Variants in RANBP2 observed in about 807,000 individuals in gnomAD.
RANBP2 encodes RAN binding protein 2, also known as E3 SUMO-protein ligase RanBP2.
A neutral mutation model predicts 303.6 loss-of-function variants in RANBP2; 57 were observed. The observed-to-expected ratio is 0.19, with a 90% CI of 0.15 to 0.23. RANBP2 has a LOEUF of 0.23. Ranked by LOEUF, RANBP2 falls within the 10% of genes least tolerant of loss-of-function variation. RANBP2 has a pLI of 1.00. For missense variants in RANBP2, 3,138 were observed against 3,780.8 expected (o/e 0.83, Z 4.46); for synonymous variants, 1,167 against 1,301.5 (o/e 0.90, Z 2.23).
the RANBP2 span, among the ~76,000 whole-genome samples, chr2:109,561,314 C>T: frequency 1.4e-3 from 220 of 152,156 alleles, no homozygotes; most frequent in African/African-American, 4.7e-3. Flanking sequence ...AAAGTCTTCC[C>T]GAATTTTCCA....
At chr2:109,627,657 G>A in the RANBP2 span, among the ~76,000 whole-genome samples, 2 of 152,200 alleles carry the variant, frequency 1.3e-5, no homozygotes, top group East Asian at 1.9e-4. Flanking sequence ...GTGTCCCTGC[G>A]AGGCATGATC....
chr2:109,371,943 C>A, the RANBP2 span, among the ~76,000 whole-genome samples: 4 of 152,190 alleles, frequency 2.6e-5, no homozygotes, highest in African/African-American at 9.6e-5. Context: ...GCAGCAGGGC[C>A]CCCTTGTGCA....
chr2:109,279,555 A>G, the RANBP2 span, among the ~76,000 whole-genome samples: 9 of 152,176 alleles, frequency 5.9e-5, no homozygotes, highest in Admixed American at 4.6e-4. Flanking sequence ...CAGGGCTGGA[A>G]TGAGGAGCAC....
chr2:109,567,431 C>A, the RANBP2 span, among the ~76,000 whole-genome samples: 5 of 152,112 alleles, frequency 3.3e-5, no homozygotes, highest in Non-Finnish European at 5.9e-5. Context: ...TTTTAAGAGA[C>A]CTCCTTAAAG....
chr2:109,509,232 G>A, the RANBP2 span, among the ~76,000 whole-genome samples: 1 of 152,206 alleles, frequency 6.6e-6, no homozygotes, highest in African/African-American at 2.4e-5. Context: ...CCTTCCTGGA[G>A]GTCTGCCTGG....
chr2:109,163,826 A>C, the RANBP2 span, among the ~76,000 whole-genome samples: 1 of 152,128 alleles, frequency 6.6e-6, no homozygotes, highest in African/African-American at 2.4e-5. Flanking sequence ...CCCTCCAAAC[A>C]ATGTGTTTTC....
In RANBP2 at chr2:108,772,539, G is replaced by C. The variant is rs777053427; in HGVS notation, c.8071G>C (p.Asp2691His). 3 of 1,613,810 alleles carry C rather than the reference G, an allele frequency of 1.9e-6. No individual in the cohort carries two copies. The highest frequency in any genetic ancestry group is 1.7e-6 in the Non-Finnish European group (2 of 1,179,848). ...VKKLNGKLYL[D>H]GSEKCRPLEE... Reference sequence around the variant, plus strand: ...GAAACTTAATGGAAAACTATATTTGGATGGCTCAGAAAAATGTAGACCCTT... The same window carrying C: ...GAAACTTAATGGAAAACTATATTTGCATGGCTCAGAAAAATGTAGACCCTT... Residue 2691 changes from aspartate (D) to histidine (H), a missense_variant, in exon 22 of 29, where the codon GAT becomes CAT. Coordinates refer to ENST00000283195, the MANE Select transcript of RANBP2 (RefSeq NM_006267.5).
the RANBP2 span, among the ~76,000 whole-genome samples, chr2:108,826,735 A>T: frequency 6.6e-6 from 1 of 152,110 alleles, no homozygotes. Flanking sequence ...GGTCAATGGC[A>T]TTTTCATATG....
At chr2:109,215,637 A>C in the RANBP2 span, among the ~76,000 whole-genome samples, 1 of 152,194 alleles carries the variant, frequency 6.6e-6, no homozygotes, top group Non-Finnish European at 1.5e-5. Flanking sequence ...GATGCCAGGA[A>C]GGGTGCTGGG....
chr2:109,201,647 G>A, the RANBP2 span, among the ~76,000 whole-genome samples: 1 of 152,208 alleles, frequency 6.6e-6, no homozygotes, highest in Non-Finnish European at 1.5e-5. Context: ...GGACGTTTGT[G>A]TCAGGAGGCA....
chr2:109,190,438 T>G, the RANBP2 span, among the ~76,000 whole-genome samples: 1 of 152,228 alleles, frequency 6.6e-6, no homozygotes, highest in Non-Finnish European at 1.5e-5. Context: ...CCACCCAAAG[T>G]GCTGGGGTTA....
chr2:109,297,471 G>A, the RANBP2 span, among the ~76,000 whole-genome samples: 1 of 151,994 alleles, frequency 6.6e-6, no homozygotes, highest in Non-Finnish European at 1.5e-5. Flanking sequence ...AGGGGTGCCT[G>A]GTGTGGGTCA....
At chr2:109,105,940 G>C in the RANBP2 span, among the ~76,000 whole-genome samples, 1 of 148,296 alleles carries the variant, frequency 6.7e-6, no homozygotes, top group Non-Finnish European at 1.5e-5. Context: ...TGCAGCCTCT[G>C]CCTCCCAGGT....
chr2:109,432,645 C>T, the RANBP2 span: 13 of 1,612,266 alleles, frequency 8.1e-6, no homozygotes, highest in African/African-American at 4.0e-5. Flanking sequence ...GGGTGTTCCC[C>T]GGAAACTACG....
the RANBP2 span, chr2:109,544,369 T>A: frequency 2.6e-6 from 4 of 1,553,232 alleles, no homozygotes; most frequent in Non-Finnish European, 3.4e-6. Context: ...TTAAAAAAAA[T>A]TCAAGTAAAA....
chr2:108,805,053 A>G, the RANBP2 span: 5 of 1,081,114 alleles, frequency 4.6e-6, no homozygotes, highest in South Asian at 1.1e-4. Flanking sequence ...CATTCTAAGA[A>G]GTATATTTTA....
At chr2:109,725,550 G>T in the RANBP2 span, among the ~76,000 whole-genome samples, 1 of 152,184 alleles carries the variant, frequency 6.6e-6, no homozygotes, top group East Asian at 1.9e-4. Context: ...TCTGTGGGAA[G>T]TAGTGGTATT....
chr2:109,389,958 G>A, the RANBP2 span, among the ~76,000 whole-genome samples: 1 of 152,112 alleles, frequency 6.6e-6, no homozygotes, highest in African/African-American at 2.4e-5. Context: ...TGCTCCCCTT[G>A]TTCCTCCTCA....
chr2:109,572,969 C>T, the RANBP2 span, among the ~76,000 whole-genome samples: 3 of 152,202 alleles, frequency 2.0e-5, no homozygotes, highest in South Asian at 2.1e-4. Flanking sequence ...GTAGTTTACA[C>T]TTTTATCATA....
Sources: gnomAD v4.1 joint callset for allele counts (sites outside exome capture counted in the v4.1 genomes callset) on GRCh38, gnomAD v4.1.1 for gene constraint, MANE v1.5 for transcripts, NCBI Gene and HGNC (gene_info 2026-07-23, HGNC 2026-07-21) for gene names.